Variants in MECOM observed in about 807,000 individuals in gnomAD.
MECOM encodes the protein MDS1 and EVI1 complex locus, also known as histone-lysine N-methyltransferase MECOM.
A neutral mutation model predicts 116.3 loss-of-function variants in MECOM; 13 were observed. That is an observed-to-expected ratio of 0.11 (90% CI 0.07 to 0.18). The LOEUF is 0.18. Among genes scored for constraint, MECOM ranks in the 10% least tolerant of loss-of-function variants. The pLI is 1.00. For synonymous variants in MECOM, 528 were observed against 535.2 expected (o/e 0.99, Z 0.19); for missense variants, 1,299 against 1,509.0 (o/e 0.86, Z 2.31).
At chr3:169,600,623 C>T (rs895093049) in intron 1 of MECOM, among the ~76,000 whole-genome samples, 3 of 152,156 alleles carry the variant, frequency 2.0e-5, no homozygotes, top group African/African-American at 4.8e-5. Flanking sequence ...CCAGGAAACT[C>T]GGCTGGTGTT....
chr3:169,296,553 A>G (rs548566797), intron 2 of MECOM, among the ~76,000 whole-genome samples: 1 of 152,336 alleles, frequency 6.6e-6, no homozygotes, highest in South Asian at 2.1e-4. Flanking sequence ...GGAATTAGCT[A>G]CATGGGCAGA....
intron 1 of MECOM, among the ~76,000 whole-genome samples, chr3:169,614,410 A>G (rs570215807): frequency 2.6e-5 from 4 of 152,278 alleles, no homozygotes; most frequent in African/African-American, 9.6e-5. Flanking sequence ...AAATCAATAA[A>G]AATGATATAA....
intron 2 of MECOM, among the ~76,000 whole-genome samples, chr3:169,328,997 G>C (rs1382072050): frequency 1.3e-5 from 2 of 152,256 alleles, no homozygotes; most frequent in Admixed American, 6.5e-5. Flanking sequence ...GGTAGATATT[G>C]TTAGCTCCTT....
intron 1 of MECOM, among the ~76,000 whole-genome samples, chr3:169,530,614 C>T (rs1461964606): frequency 1.3e-5 from 2 of 152,106 alleles, no homozygotes; most frequent in Admixed American, 1.3e-4. Flanking sequence ...GGGTGTCTGC[C>T]GCACTGGGGT....
intron 2 of MECOM, among the ~76,000 whole-genome samples, chr3:169,355,637 C>A (rs935567898): frequency 6.6e-6 from 1 of 151,840 alleles, no homozygotes; most frequent in Non-Finnish European, 1.5e-5. Flanking sequence ...AAAGCAACAC[C>A]GTTAAGACGG....
At chr3:169,292,071 G>A (rs1714664607) in intron 2 of MECOM, among the ~76,000 whole-genome samples, 1 of 152,234 alleles carries the variant, frequency 6.6e-6, no homozygotes, top group African/African-American at 2.4e-5. Context: ...AAGAGATTGG[G>A]GCTCATGCTG....
intron 2 of MECOM, chr3:169,144,952 G>T (rs914605495): frequency 4.7e-6 from 7 of 1,487,692 alleles, no homozygotes; most frequent in Non-Finnish European, 6.4e-6. Context: ...ATTTTGCATA[G>T]AATTCAGGCA....
chr3:169,198,866 C>T (rs1748787626), intron 2 of MECOM, among the ~76,000 whole-genome samples: 1 of 151,288 alleles, frequency 6.6e-6, no homozygotes, highest in Non-Finnish European at 1.5e-5. Flanking sequence ...ATAATTGGGA[C>T]ATAATTTAAT....
At chr3:169,416,915 T>C (rs1035308613) in intron 1 of MECOM, among the ~76,000 whole-genome samples, 8 of 152,316 alleles carry the variant, frequency 5.3e-5, no homozygotes, top group African/African-American at 1.9e-4. Context: ...TGTAGAAAGC[T>C]GAAACTGGAT....
chr3:169,549,925 C>T (rs1761177159), intron 1 of MECOM, among the ~76,000 whole-genome samples: 1 of 152,104 alleles, frequency 6.6e-6, no homozygotes, highest in Non-Finnish European at 1.5e-5. Context: ...TGGGCAGACA[C>T]AGCAGTCTAT....
intron 1 of MECOM, among the ~76,000 whole-genome samples, chr3:169,548,559 T>G (rs1215596412): frequency 6.6e-6 from 1 of 152,252 alleles, no homozygotes; most frequent in African/African-American, 2.4e-5. Context: ...ATAAACCTCC[T>G]GCAACATCTT....
intron 2 of MECOM, among the ~76,000 whole-genome samples, chr3:169,252,732 C>T (rs1756403203): frequency 6.6e-6 from 1 of 152,104 alleles, no homozygotes; most frequent in Non-Finnish European, 1.5e-5. Flanking sequence ...CACTAAAGGA[C>T]ACCACATGTC....
intron 1 of MECOM, among the ~76,000 whole-genome samples, chr3:169,564,910 AG>A (rs1281333216): frequency 2.6e-5 from 4 of 152,252 alleles, no homozygotes; most frequent in Admixed American, 2.0e-4. Flanking sequence ...CTGTTTAGCC[AG>A]GTGAACTCTG....
intron 2 of MECOM, among the ~76,000 whole-genome samples, chr3:169,280,160 A>C (rs768365810): frequency 6.6e-6 from 1 of 152,226 alleles, no homozygotes; most frequent in Non-Finnish European, 1.5e-5. Flanking sequence ...GGGATGAGGC[A>C]CAATCTAGAG....
chr3:169,277,034 A>ACACAC (rs1759673198), intron 2 of MECOM, among the ~76,000 whole-genome samples: 1 of 149,884 alleles, frequency 6.7e-6, no homozygotes, highest in African/African-American at 2.5e-5. Flanking sequence ...ACACACACAC[A>ACACAC]AGTGCTGTCA....
intron 1 of MECOM, among the ~76,000 whole-genome samples, chr3:169,497,603 C>G (rs1753985196): frequency 6.6e-6 from 1 of 152,134 alleles, no homozygotes; most frequent in African/African-American, 2.4e-5. Context: ...GGTGATCCAC[C>G]CGCCTCGGCA....
chr3:169,209,565 A>G (rs1357553790), intron 2 of MECOM, among the ~76,000 whole-genome samples: 3 of 152,160 alleles, frequency 2.0e-5, no homozygotes, highest in Non-Finnish European at 4.4e-5. Flanking sequence ...AGACAACTCA[A>G]AATAAGACAT....
At chr3:169,169,635 A>T (rs1577238081) in intron 2 of MECOM, among the ~76,000 whole-genome samples, 1 of 131,532 alleles carries the variant, frequency 7.6e-6, no homozygotes, top group South Asian at 3.2e-4. Flanking sequence ...TCTTGTACTT[A>T]AAAAAAACCT....
At chr3:169,105,698 T>C (rs557577476) in intron 10 of MECOM, among the ~76,000 whole-genome samples, 1 of 152,138 alleles carries the variant, frequency 6.6e-6, no homozygotes. Context: ...TTTTTTCCTA[T>C]GGAACAGTAA....
Sources: allele counts gnomAD v4.1 joint callset (sites outside exome capture counted in the v4.1 genomes callset), GRCh38; gene constraint gnomAD v4.1.1; transcripts MANE v1.5; gene names NCBI Gene and HGNC (gene_info 2026-07-23, HGNC 2026-07-21).